ZNRF2: variants seen among roughly 807,000 people sequenced by gnomAD.
ZNRF2 encodes the protein zinc and ring finger 2, also known as E3 ubiquitin-protein ligase ZNRF2.
Under a neutral mutation model 20.4 loss-of-function variants are expected in ZNRF2, and 16 were observed. The ratio of observed to expected loss-of-function variants is 0.79; its 90% CI spans 0.53 to 1.19. The LOEUF is 1.19. ZNRF2 is among the 50% of genes most tolerant of loss of function. The pLI is 0.00. For synonymous variants in ZNRF2, 178 were observed against 144.9 expected, an observed-to-expected ratio of 1.23 and a Z score of -1.64; for missense variants, 363 against 332.4, an observed-to-expected ratio of 1.09 and a Z score of -0.72.
At chr7:30,355,587 T>C (rs1414485505) in intron 2 of ZNRF2, 141 bp from the exon 3 acceptor site, 1 of 585,512 alleles carries the variant, frequency 1.7e-6, no homozygotes, top group East Asian at 2.9e-5. Context: ...CAAATACACG[T>C]GCTGAGTTTT....
chr7:30,310,528 G>A (rs769922707), intron 1 of ZNRF2, among the ~76,000 whole-genome samples: 3 of 152,006 alleles, frequency 2.0e-5, no homozygotes, highest in East Asian at 1.9e-4. Flanking sequence ...GTGTGGCCAC[G>A]TTCAATAAAA....
chr7:30,292,446 G>A (rs184040070), intron 1 of ZNRF2, among the ~76,000 whole-genome samples: 209 of 152,184 alleles, frequency 1.4e-3, no homozygotes, highest in African/African-American at 4.7e-3. Context: ...CAGCAGTGAA[G>A]AAATAAGATA....
intron 1 of ZNRF2, among the ~76,000 whole-genome samples, chr7:30,291,620 A>G (rs1798912027): frequency 6.6e-6 from 1 of 152,220 alleles, no homozygotes; most frequent in South Asian, 2.1e-4. Context: ...TTAAAGATGA[A>G]AAGAACAAGT....
intron 1 of ZNRF2, among the ~76,000 whole-genome samples, chr7:30,286,307 G>A (rs1196857200): frequency 6.6e-6 from 1 of 152,180 alleles, no homozygotes; most frequent in Non-Finnish European, 1.5e-5. Flanking sequence ...TTAGTATAAA[G>A]CTGTAATCCT....
chr7:30,294,808 G>T (rs939303122), intron 1 of ZNRF2, among the ~76,000 whole-genome samples: 1 of 151,858 alleles, frequency 6.6e-6, no homozygotes, highest in African/African-American at 2.4e-5. Context: ...ATTGCACCAT[G>T]GTCAGAGAAT....
At chr7:30,310,707 G>A (rs868387730) in intron 1 of ZNRF2, among the ~76,000 whole-genome samples, 8 of 152,288 alleles carry the variant, frequency 5.3e-5, no homozygotes, top group African/African-American at 1.9e-4. Context: ...CCTATGTGGG[G>A]TAAACGCACC....
At chr7:30,338,046 G>A (rs979763767) in intron 2 of ZNRF2, among the ~76,000 whole-genome samples, 3 of 152,070 alleles carry the variant, frequency 2.0e-5, no homozygotes, top group African/African-American at 7.2e-5. Context: ...TATTCCAGAC[G>A]ACCTTCATCA....
At chr7:30,345,778 C>G (rs1799867102) in intron 2 of ZNRF2, among the ~76,000 whole-genome samples, 1 of 152,174 alleles carries the variant, frequency 6.6e-6, no homozygotes, top group African/African-American at 2.4e-5. Context: ...CTGCCTCTCT[C>G]TTCAAGTCCT....
intron 2 of ZNRF2, among the ~76,000 whole-genome samples, chr7:30,332,027 A>G (rs1383081445): frequency 6.6e-6 from 1 of 152,212 alleles, no homozygotes; most frequent in South Asian, 2.1e-4. Context: ...GTAAATACAC[A>G]TAGCTGCCCA....
At chr7:30,337,646 T>C (rs1214798917) in intron 2 of ZNRF2, among the ~76,000 whole-genome samples, 2 of 152,102 alleles carry the variant, frequency 1.3e-5, no homozygotes, top group East Asian at 3.8e-4. Context: ...GAAAATATAG[T>C]CTAAAACCTG....
At chr7:30,293,925 TA>T (rs1387938930) in intron 1 of ZNRF2, among the ~76,000 whole-genome samples, 1 of 152,232 alleles carries the variant, frequency 6.6e-6, no homozygotes, top group African/African-American at 2.4e-5. Flanking sequence ...AATAGTTCTT[TA>T]ATTTACCTAT....
intron 1 of ZNRF2, among the ~76,000 whole-genome samples, chr7:30,295,044 AGAGAGAGTGTGTGTGTGT>A (rs1253929935): frequency 4.4e-4 from 49 of 111,830 alleles, no homozygotes; most frequent in African/African-American, 8.8e-4. Context: ...AGAGAGAGAG[AGAGAGAGTGTGTGTGTGT>A]GTGTGTGTGT....
chr7:30,353,537 A>G (rs555418290), intron 2 of ZNRF2, among the ~76,000 whole-genome samples: 1 of 152,272 alleles, frequency 6.6e-6, no homozygotes, highest in African/African-American at 2.4e-5. Context: ...CGCCCCTGTC[A>G]ATTTTAAAAT....
At chr7:30,329,411 C>T (rs1474873166) in intron 2 of ZNRF2, among the ~76,000 whole-genome samples, 1 of 152,090 alleles carries the variant, frequency 6.6e-6, no homozygotes, top group Non-Finnish European at 1.5e-5. Flanking sequence ...TATTTTTGTA[C>T]CCATTAATCA....
intron 1 of ZNRF2, among the ~76,000 whole-genome samples, chr7:30,295,050 A>AGGGAGGGAGGGAGG (rs1412764480): frequency 2.1e-4 from 8 of 38,280 alleles, no homozygotes; most frequent in African/African-American, 7.6e-4. Context: ...AGAGAGAGAG[A>AGGGAGGGAGGGAGG]GTGTGTGTGT....
intron 1 of ZNRF2, among the ~76,000 whole-genome samples, chr7:30,304,032 G>C (rs1411047071): frequency 6.6e-6 from 1 of 152,088 alleles, no homozygotes; most frequent in African/African-American, 2.4e-5. Context: ...CTGGGTAGTG[G>C]TGGTAAGGAG....
chr7:30,285,226 C>T lies in ZNRF2; in HGVS notation c.-132C>T, dbSNP rs1798751305. 2 of 661,384 alleles carry T rather than the reference C, an allele frequency of 3.0e-6. No individual in the cohort carries two copies. The highest frequency in any genetic ancestry group is 4.1e-6 in the Non-Finnish European group (2 of 491,502). 41.0% of individuals were successfully genotyped at this position (661,384 alleles called of 1,614,324 possible). A position where few individuals can be genotyped will look rare whatever the true frequency, so the allele number is the denominator to read the frequency against. On this transcript the variant is annotated 5_prime_UTR_variant, in exon 1 of 5. Coordinates refer to ENST00000323037, the MANE Select transcript of ZNRF2 (RefSeq NM_147128.4). ...GACTGCCCCTCTGGACGCCGGGCGG[C>T]GGCCCTGGACGTGCGGGGGCCTCTC...
At chr7:30,326,280 T>A (rs778532849) in intron 2 of ZNRF2, among the ~76,000 whole-genome samples, 2 of 152,140 alleles carry the variant, frequency 1.3e-5, no homozygotes, top group Non-Finnish European at 2.9e-5. Context: ...GATCCTCTCC[T>A]TCCTCCTACT....
intron 1 of ZNRF2, among the ~76,000 whole-genome samples, chr7:30,287,394 G>C (rs915588619): frequency 2.0e-5 from 3 of 152,172 alleles, no homozygotes; most frequent in African/African-American, 4.8e-5. Context: ...TGCTAAAGAA[G>C]GGTGAATAGG....
Sources: gnomAD v4.1 joint callset for allele counts (sites outside exome capture counted in the v4.1 genomes callset) on GRCh38, gnomAD v4.1.1 for gene constraint, MANE v1.5 for transcripts, NCBI Gene and HGNC (gene_info 2026-07-23, HGNC 2026-07-21) for gene names.